ENTREP2: variants seen among roughly 807,000 people sequenced by gnomAD.
ENTREP2 encodes the protein endosomal transmembrane epsin interactor 2.
chr15:29,538,395 T>C, the ENTREP2 span, among the ~76,000 whole-genome samples: 1 of 152,116 alleles, frequency 6.6e-6, no homozygotes, highest in South Asian at 2.1e-4. Context: ...CTGATCATAA[T>C]GGCTGAACTC....
At chr15:29,674,645 G>A in the ENTREP2 span, among the ~76,000 whole-genome samples, 1 of 151,788 alleles carries the variant, frequency 6.6e-6, no homozygotes, top group African/African-American at 2.4e-5. Flanking sequence ...TAAGAATATC[G>A]AGGGATGGAA....
chr15:29,674,815 C>T, the ENTREP2 span, among the ~76,000 whole-genome samples: 8 of 152,088 alleles, frequency 5.3e-5, no homozygotes, highest in African/African-American at 1.9e-4. Flanking sequence ...CTGCCGGCCT[C>T]CCTTCCTTCC....
the ENTREP2 span, among the ~76,000 whole-genome samples, chr15:29,490,946 G>C: frequency 2.6e-5 from 4 of 152,228 alleles, no homozygotes; most frequent in African/African-American, 7.2e-5. Context: ...GGGAGGCTCA[G>C]GCAGGAGGCT....
the ENTREP2 span, among the ~76,000 whole-genome samples, chr15:29,247,240 G>C: frequency 1.3e-5 from 2 of 152,164 alleles, no homozygotes; most frequent in African/African-American, 4.8e-5. Context: ...AGCATACACT[G>C]TATGTTCTGG....
the ENTREP2 span, among the ~76,000 whole-genome samples, chr15:29,309,788 C>CAAA: frequency 0.032 from 3,747 of 118,166 alleles, 150 homozygotes; most frequent in African/African-American, 0.098. Context: ...GACTCTGTCT[C>CAAA]AAAAAAAAAA....
the ENTREP2 span, among the ~76,000 whole-genome samples, chr15:29,424,300 G>A: frequency 1.6e-4 from 25 of 152,146 alleles, no homozygotes; most frequent in East Asian, 9.7e-4. Flanking sequence ...ATTTGGCCCC[G>A]CCCACATCCT....
chr15:29,221,562 A>G, the ENTREP2 span, among the ~76,000 whole-genome samples: 68 of 152,278 alleles, frequency 4.5e-4, no homozygotes, highest in African/African-American at 1.6e-3. Flanking sequence ...CTTGAACAGG[A>G]AAATAAGACT....
the ENTREP2 span, among the ~76,000 whole-genome samples, chr15:29,572,179 A>T: frequency 1.6e-4 from 24 of 152,328 alleles, no homozygotes; most frequent in South Asian, 2.7e-3. Flanking sequence ...TTATTTTCCA[A>T]TTTAACGAGA....
the ENTREP2 span, among the ~76,000 whole-genome samples, chr15:29,314,522 T>C: frequency 6.6e-6 from 1 of 152,192 alleles, no homozygotes; most frequent in Non-Finnish European, 1.5e-5. Context: ...AATAAAGTAT[T>C]TTTAATCAAG....
chr15:29,472,266 C>T, the ENTREP2 span, among the ~76,000 whole-genome samples: 1 of 151,980 alleles, frequency 6.6e-6, no homozygotes, highest in Non-Finnish European at 1.5e-5. Context: ...TCAGCAGGGA[C>T]AATTCAGGAA....
the ENTREP2 span, among the ~76,000 whole-genome samples, chr15:29,206,288 C>T: frequency 6.6e-6 from 1 of 152,136 alleles, no homozygotes; most frequent in Non-Finnish European, 1.5e-5. Flanking sequence ...CACTAACCCA[C>T]TCATGCGGGC....
the ENTREP2 span, among the ~76,000 whole-genome samples, chr15:29,621,588 C>CA: frequency 0.072 from 4,249 of 58,756 alleles, 302 homozygotes; most frequent in African/African-American, 0.16. Context: ...TGGCCACTAT[C>CA]AAAAAAAAAA....
the ENTREP2 span, among the ~76,000 whole-genome samples, chr15:29,597,900 T>C: frequency 6.6e-6 from 1 of 151,984 alleles, no homozygotes; most frequent in Non-Finnish European, 1.5e-5. Context: ...GGAGTGTGGA[T>C]TGCTTGAGCC....
At chr15:29,586,767 A>G in the ENTREP2 span, among the ~76,000 whole-genome samples, 1 of 152,042 alleles carries the variant, frequency 6.6e-6, no homozygotes, top group African/African-American at 2.4e-5. Flanking sequence ...AAAAAAGAAG[A>G]AAAGAAAAAA....
chr15:29,451,228 G>C, the ENTREP2 span, among the ~76,000 whole-genome samples: 1 of 152,094 alleles, frequency 6.6e-6, no homozygotes, highest in Non-Finnish European at 1.5e-5. Flanking sequence ...AGAGTGCCCC[G>C]GTCTCCCTGG....
chr15:29,425,827 G>A, the ENTREP2 span, among the ~76,000 whole-genome samples: 366 of 151,928 alleles, frequency 2.4e-3, 2 homozygotes, highest in African/African-American at 8.6e-3. Context: ...ATGCAACATG[G>A]CAAAATTTTC....
chr15:29,616,673 C>G, the ENTREP2 span, among the ~76,000 whole-genome samples: 2 of 152,174 alleles, frequency 1.3e-5, no homozygotes, highest in East Asian at 3.8e-4. Flanking sequence ...TACATTGGAT[C>G]TCATTTCCCC....
At chr15:29,158,022 C>T in the ENTREP2 span, among the ~76,000 whole-genome samples, 4 of 152,162 alleles carry the variant, frequency 2.6e-5, no homozygotes, top group Non-Finnish European at 5.9e-5. Flanking sequence ...CGGCCAATAG[C>T]GACATCTCTT....
At chr15:29,237,020 T>C in the ENTREP2 span, among the ~76,000 whole-genome samples, 104 of 152,340 alleles carry the variant, frequency 6.8e-4, 1 homozygote, top group African/African-American at 2.4e-3. Flanking sequence ...TAAAGATTAC[T>C]ACATGCCATG....
Sources: gnomAD v4.1 joint callset for allele counts (sites outside exome capture counted in the v4.1 genomes callset) on GRCh38, gnomAD v4.1.1 for gene constraint, MANE v1.5 for transcripts, NCBI Gene and HGNC (gene_info 2026-07-23, HGNC 2026-07-21) for gene names.